COL19A1: variants seen among roughly 807,000 people sequenced by gnomAD.
COL19A1 encodes collagen alpha-1(XIX) chain.
A neutral mutation model predicts 190.2 loss-of-function variants in COL19A1; 159 were observed. The observed-to-expected ratio is 0.84, with a 90% confidence interval of 0.73 to 0.95. COL19A1 has a LOEUF of 0.95. Among genes scored for constraint, COL19A1 ranks in the 40% least tolerant of loss-of-function variants. COL19A1 has a pLI of 0.00. For synonymous variants in COL19A1, 509 were observed against 458.9 expected, an observed-to-expected ratio of 1.11 and a Z score of -1.39; for missense variants, 1,418 against 1,431.9, an observed-to-expected ratio of 0.99 and a Z score of 0.16.
chr6:70,097,848 G>A (rs566854150), intron 15 of COL19A1, among the ~76,000 whole-genome samples: 17 of 152,110 alleles, frequency 1.1e-4, no homozygotes, highest in Non-Finnish European at 2.2e-4. Context: ...TAATTTATCA[G>A]AGTTGCTTCT....
At chr6:69,897,337 T>TA (rs1392026030) in intron 2 of COL19A1, among the ~76,000 whole-genome samples, 1 of 152,122 alleles carries the variant, frequency 6.6e-6, no homozygotes, top group African/African-American at 2.4e-5. Context: ...CCCCACAGTA[T>TA]AAAAAAATTT....
At chr6:70,147,483 A>G (rs573512825) in intron 27 of COL19A1, among the ~76,000 whole-genome samples, 1 of 152,336 alleles carries the variant, frequency 6.6e-6, no homozygotes, top group East Asian at 1.9e-4. Flanking sequence ...TTTATTTACT[A>G]TGGAAAGACA....
chr6:70,188,362 G>A (rs571601172), intron 47 of COL19A1, 117 bp downstream of exon 47: 56 of 1,213,926 alleles, frequency 4.6e-5, no homozygotes, highest in South Asian at 3.5e-4. Flanking sequence ...ACTGGTCCCC[G>A]TGAGGGCAAT....
intron 15 of COL19A1, among the ~76,000 whole-genome samples, chr6:70,098,222 C>A (rs568836287): frequency 6.6e-6 from 1 of 152,254 alleles, no homozygotes; most frequent in Non-Finnish European, 1.5e-5. Context: ...GATTTTAGTC[C>A]TAGGAAGGGA....
intron 2 of COL19A1, among the ~76,000 whole-genome samples, chr6:69,895,537 C>T (rs1174608851): frequency 6.6e-6 from 1 of 152,204 alleles, no homozygotes; most frequent in African/African-American, 2.4e-5. Context: ...GAAACAGGGA[C>T]TCTGTCTAGG....
At chr6:70,141,069 T>C in intron 20 of COL19A1, 80 bp downstream of exon 20, 2 of 1,288,148 alleles carry the variant, frequency 1.6e-6, no homozygotes, top group Non-Finnish European at 2.2e-6. Context: ...ATGTTTACTT[T>C]GGAGTCTAAT....
intron 11 of COL19A1, among the ~76,000 whole-genome samples, chr6:70,012,063 C>A (rs1778000581): frequency 1.2e-4 from 1 of 8,340 alleles, no homozygotes; most frequent in Admixed American, 1.8e-3. Flanking sequence ...ATTCAACATT[C>A]TTAAAGAAAA....
intron 4 of COL19A1, among the ~76,000 whole-genome samples, chr6:69,924,703 CA>C (rs1326136545): frequency 1.1e-4 from 17 of 152,324 alleles, no homozygotes; most frequent in African/African-American, 3.8e-4. Flanking sequence ...GTCCCACCAA[CA>C]GTGTAAAAGT....
chr6:70,160,035 T>C (rs148242397), intron 34 of COL19A1, among the ~76,000 whole-genome samples: 2 of 152,238 alleles, frequency 1.3e-5, no homozygotes, highest in African/African-American at 4.8e-5. Flanking sequence ...ATAAAATTTC[T>C]CCCTATTCCC....
chr6:69,986,108 G>A (rs958712890), intron 11 of COL19A1, among the ~76,000 whole-genome samples: 3 of 151,540 alleles, frequency 2.0e-5, no homozygotes, highest in Admixed American at 1.3e-4. Flanking sequence ...ACAAAGTCAG[G>A]AAGAAAGCAA....
intron 25 of COL19A1, 60 bp downstream of exon 25, chr6:70,145,067 G>T: frequency 2.4e-6 from 3 of 1,228,448 alleles, no homozygotes; most frequent in Non-Finnish European, 2.3e-6. Context: ...CTACTTGTGG[G>T]TTCCTAGTTT....
intron 9 of COL19A1, among the ~76,000 whole-genome samples, chr6:69,956,378 C>G (rs1226313420): frequency 6.6e-6 from 1 of 151,736 alleles, no homozygotes; most frequent in Non-Finnish European, 1.5e-5. Context: ...ATTTTAAATT[C>G]TTTGCTATAT....
At chr6:70,004,511 A>T (rs78661510) in intron 11 of COL19A1, among the ~76,000 whole-genome samples, 1 of 152,124 alleles carries the variant, frequency 6.6e-6, no homozygotes, top group African/African-American at 2.4e-5. Context: ...AGGTACTCCA[A>T]TCAATCGTAG....
intron 42 of COL19A1, among the ~76,000 whole-genome samples, chr6:70,178,984 T>A (rs3793064): frequency 0.43 from 65,338 of 151,860 alleles, 14,268 homozygotes; most frequent in Middle Eastern, 0.5. Flanking sequence ...CTTCCATCAA[T>A]GTCCCTTATC....
chr6:69,896,583 A>T (rs906024970), intron 2 of COL19A1, among the ~76,000 whole-genome samples: 1 of 146,798 alleles, frequency 6.8e-6, no homozygotes, highest in Non-Finnish European at 1.5e-5. Context: ...ACTGCCAAAC[A>T]GTTTTCTGAA....
chr6:70,116,326 C>A (rs1784575825), intron 16 of COL19A1, among the ~76,000 whole-genome samples: 2 of 152,176 alleles, frequency 1.3e-5, no homozygotes, highest in Admixed American at 1.3e-4. Flanking sequence ...TCTCCACAGA[C>A]TTTTTCTTAT....
chr6:69,991,125 A>G (rs976795544), intron 11 of COL19A1, among the ~76,000 whole-genome samples: 3 of 152,060 alleles, frequency 2.0e-5, no homozygotes, highest in Non-Finnish European at 2.9e-5. Flanking sequence ...GCTCCCACTA[A>G]TAAGTGAGAA....
chr6:70,086,681 C>T (rs965677430), intron 15 of COL19A1, among the ~76,000 whole-genome samples: 1 of 152,164 alleles, frequency 6.6e-6, no homozygotes, highest in African/African-American at 2.4e-5. Flanking sequence ...AAAACAAAAA[C>T]ATCACCAGAT....
At chr6:69,978,598 G>C (rs939088151) in intron 11 of COL19A1, among the ~76,000 whole-genome samples, 1 of 150,938 alleles carries the variant, frequency 6.6e-6, no homozygotes, top group East Asian at 1.9e-4. Context: ...TATAATGAAG[G>C]TGAAAATACA....
Sources: allele counts gnomAD v4.1 joint callset (sites outside exome capture counted in the v4.1 genomes callset), GRCh38; gene constraint gnomAD v4.1.1; transcripts MANE v1.5; gene names NCBI Gene and HGNC (gene_info 2026-07-23, HGNC 2026-07-21).